Variants in CRYBG3 observed in about 807,000 individuals in gnomAD.
CRYBG3 encodes the protein very large A-kinase anchor protein.
In CRYBG3, 127 loss-of-function variants were observed where a neutral mutation model predicts 244.2. That is an observed-to-expected ratio of 0.52 (90% CI 0.45 to 0.60). The LOEUF is 0.60. Ranked by LOEUF, CRYBG3 falls within the 20% of genes least tolerant of loss-of-function variation. The pLI is 0.00. For synonymous variants in CRYBG3, 1,132 were observed against 1,195.8 expected (o/e 0.95, Z 1.10); for missense variants, 3,325 against 3,442.5 (o/e 0.97, Z 0.85).
At chr3:97,854,528 G>C (rs2039037104) in intron 2 of CRYBG3, among the ~76,000 whole-genome samples, 1 of 151,434 alleles carries the variant, frequency 6.6e-6, no homozygotes, top group African/African-American at 2.4e-5. Flanking sequence ...ATTTCTTTCA[G>C]CAGTGTTTTG....
chr3:97,834,138 G>A (rs1171727241), intron 1 of CRYBG3, among the ~76,000 whole-genome samples: 1 of 152,088 alleles, frequency 6.6e-6, no homozygotes, highest in Non-Finnish European at 1.5e-5. Flanking sequence ...ATGAACTTTG[G>A]AGGGGACAGA....
intron 1 of CRYBG3, among the ~76,000 whole-genome samples, chr3:97,825,898 G>A (rs906369342): frequency 6.6e-6 from 1 of 152,232 alleles, no homozygotes; most frequent in African/African-American, 2.4e-5. Flanking sequence ...GTTGACAACA[G>A]CATCAGTTAT....
At chr3:97,893,727 GTTTGT>G (rs953086636) in intron 11 of CRYBG3, among the ~76,000 whole-genome samples, 7 of 152,190 alleles carry the variant, frequency 4.6e-5, no homozygotes, top group East Asian at 3.8e-4. Flanking sequence ...TGGAACGTTA[GTTTGT>G]TTTAAGTATC....
At chr3:97,882,099 C>T (rs1213064308) in intron 7 of CRYBG3, among the ~76,000 whole-genome samples, 2 of 151,942 alleles carry the variant, frequency 1.3e-5, no homozygotes, top group African/African-American at 4.8e-5. Context: ...ATCCCAGCTT[C>T]ACAGGAGGCT....
Position 97,864,612 on chromosome 3 carries a change from A to T in CRYBG3, c.612A>T (p.Thr204=). The T allele has an allele frequency of 5.2e-6, 8 of 1,529,786 alleles. No homozygotes were observed. The highest frequency in any genetic ancestry group is 7.0e-6 in the Non-Finnish European group (8 of 1,143,846). 94.8% of individuals were successfully genotyped at this position (1,529,786 alleles called of 1,614,324 possible). The part of the protein sequence containing the change: ...ELSDAFSLDT[T]QDSDQETTNL... ...CAGATGCTTTTTCTTTGGATACAAC[A>T]CAAGACAGTGACCAAGAAACCACTA... The change falls in exon 3 of 22, where the codon ACA becomes ACT. Residue 204 remains threonine (T), a synonymous_variant. Transcript: ENST00000389622.
Position 97,875,942 on chromosome 3 carries a change from C to T in CRYBG3, c.4748C>T (p.Thr1583Met), listed in dbSNP as rs79581944. The T allele has an allele frequency of 5.2e-3, 6,381 of 1,231,812 alleles. 247 individuals are homozygous for T. The African/African-American group carries it at 0.085, about 17-fold the overall frequency. 76.3% of individuals were successfully genotyped at this position (1,231,812 alleles called of 1,614,324 possible). A position where few individuals can be genotyped will look rare whatever the true frequency, so the allele number is the denominator to read the frequency against. The change falls in exon 4 of 22, where the codon ACG (threonine) becomes ATG (methionine). Residue 1583 changes from threonine to methionine, a missense_variant. Thr to Met is a moderately conservative substitution (Grantham distance 81). Transcript: ENST00000389622. ...AAAATGGATGCTGAATTGAATGTCA[C>T]GAAAACTGAGCCAAAAGCTAATGTT... ...IHKMDAELNV[T>M]KTEPKANVFK...
At position 97,843,195 on chromosome 3, in the gene CRYBG3, T is replaced by C. The variant is rs1281373214; in HGVS notation, c.150T>C (p.Ser50=). The change falls in exon 2 of 22, where the codon AGT becomes AGC. Residue 50 remains serine (S), a splice_region_variant and synonymous_variant. Transcript: ENST00000389622. ...PPPAPGRSAA[S]VENEPMSTSQ... ...AGAAACTGTGGTTTTTATTTTTCAG[T>C]GTTGAAAATGAGCCCATGAGCACAA... is the stretch of plus-strand genomic sequence containing the variant. 1 of 1,507,418 alleles carries C rather than the reference T, an allele frequency of 6.6e-7. No individual in the cohort carries two copies. The highest frequency in any genetic ancestry group is 2.5e-5 in the East Asian group (1 of 40,646). The allele number at this position is 1,507,418 out of a possible 1,614,324, so 93.4% of individuals were successfully genotyped here. A position where few individuals can be genotyped will look rare whatever the true frequency, so the allele number is the denominator to read the frequency against.
At chr3:97,927,410 A>G (rs2040051848) in intron 17 of CRYBG3, among the ~76,000 whole-genome samples, 1 of 152,096 alleles carries the variant, frequency 6.6e-6, no homozygotes. Context: ...CATTTGCAAA[A>G]AATAACTCAA....
chr3:97,941,054 T>A, intron 19 of CRYBG3, 94 bp from the exon 20 acceptor site: 2 of 956,194 alleles, frequency 2.1e-6, no homozygotes, highest in South Asian at 1.6e-5. Context: ...CTAAGATAGT[T>A]ACCTCTCACT....
chr3:97,886,087 A>G (rs1156486256), intron 7 of CRYBG3, among the ~76,000 whole-genome samples: 1 of 152,184 alleles, frequency 6.6e-6, no homozygotes, highest in Non-Finnish European at 1.5e-5. Context: ...AACCTACTGC[A>G]CTAGGAAATG....
At chr3:97,829,921 T>G (rs761577103) in intron 1 of CRYBG3, among the ~76,000 whole-genome samples, 9 of 152,052 alleles carry the variant, frequency 5.9e-5, no homozygotes, top group Non-Finnish European at 1.3e-4. Context: ...GAAACTTTAA[T>G]TTTTTTTCAA....
In CRYBG3 at chr3:97,877,619, A is replaced by G. The variant is rs1263099228; in HGVS notation, c.6425A>G (p.Asp2142Gly). 1 of 1,614,104 alleles carries G rather than the reference A, an allele frequency of 6.2e-7. No individual in the cohort carries two copies. Among genetic ancestry groups the G allele is most frequent in the Admixed American group, 1.7e-5 (1 of 60,010 alleles). ...ERLKMNFDED[D>G]REAADEEEEE... ...TTAAAGATGAATTTTGATGAAGATG[A>G]CAGAGAGGCAGCTGATGAGGAAGAA... Residue 2142 changes from aspartate to glycine, a missense_variant, in exon 4 of 22, where the codon GAC becomes GGC. By Grantham distance (94) the Asp-to-Gly change is moderately conservative. Coordinates refer to ENST00000389622, the MANE Select transcript of CRYBG3 (RefSeq NM_153605.4).
chr3:97,918,088 A>G (rs535886725), intron 17 of CRYBG3, among the ~76,000 whole-genome samples: 137 of 152,250 alleles, frequency 9.0e-4, no homozygotes, highest in African/African-American at 3.2e-3. Context: ...AATTAAGTTG[A>G]CATTATGTAA....
intron 10 of CRYBG3, among the ~76,000 whole-genome samples, chr3:97,891,643 A>G (rs2039577309): frequency 6.6e-6 from 1 of 152,078 alleles, no homozygotes. Flanking sequence ...AGTCTTTTTT[A>G]TGTTATTAAC....
intron 17 of CRYBG3, among the ~76,000 whole-genome samples, chr3:97,930,250 G>A (rs1428176797): frequency 6.6e-6 from 1 of 151,968 alleles, no homozygotes; most frequent in Non-Finnish European, 1.5e-5. Context: ...CAGGCTCCTT[G>A]CCATCTGTTC....
chr3:97,829,784 T>G (rs1301705003), intron 1 of CRYBG3, among the ~76,000 whole-genome samples: 1 of 152,220 alleles, frequency 6.6e-6, no homozygotes, highest in Non-Finnish European at 1.5e-5. Flanking sequence ...AAAGCATGCA[T>G]GCAGTTTTGT....
intron 2 of CRYBG3, among the ~76,000 whole-genome samples, chr3:97,858,284 A>G (rs918402440): frequency 6.6e-6 from 1 of 151,552 alleles, no homozygotes. Flanking sequence ...ATGAGACTTG[A>G]CATTTTTCTC....
intron 1 of CRYBG3, chr3:97,837,071 A>G (rs2038744807): frequency 6.6e-6 from 1 of 152,124 alleles, no homozygotes; most frequent in Admixed American, 6.6e-5. Flanking sequence ...TTTTGTCCTC[A>G]AGGTGCTGTC....
Position 97,873,024 on chromosome 3 carries a change from G to C in CRYBG3, c.1830G>C (p.Glu610Asp). 1 of 1,535,750 alleles carries C rather than the reference G, an allele frequency of 6.5e-7. No individual in the cohort carries two copies. ...VASLGNENAP[E>D]LKFELNRSHI... is the part of the protein sequence containing the mutation. ...GCTTAGGAAATGAAAATGCACCTGA[G>C]TTGAAATTTGAACTTAATAGAAGTC... Residue 610 changes from glutamate (E) to aspartate (D), a missense_variant, in exon 4 of 22, where the codon GAG becomes GAC. By Grantham distance (45) the Glu-to-Asp change is conservative (BLOSUM62 2). Transcript: ENST00000389622.
Sources: allele counts gnomAD v4.1 joint callset (sites outside exome capture counted in the v4.1 genomes callset), GRCh38; gene constraint gnomAD v4.1.1; transcripts MANE v1.5; gene names NCBI Gene and HGNC (gene_info 2026-07-23, HGNC 2026-07-21).